DAB2IP: variants seen among roughly 807,000 people sequenced by gnomAD.
DAB2IP encodes DAB2 interacting protein, also known as disabled homolog 2-interacting protein.
In DAB2IP, 28 loss-of-function variants were observed where a neutral mutation model predicts 107.2. The ratio of observed to expected loss-of-function variants is 0.26; its 90% CI spans 0.19 to 0.36. DAB2IP has a LOEUF of 0.36. DAB2IP is among the 10% of genes least tolerant of loss of function. The pLI is 1.00. For missense variants in DAB2IP, 1,400 were observed against 1,644.7 expected, an observed-to-expected ratio of 0.85 and a Z score of 2.57; for synonymous variants, 755 against 706.4, an observed-to-expected ratio of 1.07 and a Z score of -1.09.
At chr9:121,718,973 TCCACTCCAC>T (rs1030673942) in intron 3 of DAB2IP, among the ~76,000 whole-genome samples, 6 of 152,188 alleles carry the variant, frequency 3.9e-5, no homozygotes, top group Non-Finnish European at 8.8e-5. Context: ...CACTTTTGGG[TCCACTCCAC>T]CTGGTAGCAA....
chr9:121,782,282 C>T lies in DAB2IP; in HGVS notation c.3403-49C>T, dbSNP rs777997549. On this transcript the variant is annotated intron_variant, in intron 15 of 15. Coordinates refer to ENST00000408936, the Ensembl canonical transcript of DAB2IP. This position sits in a 1 kb window ranked among gnomAD's most constrained non-coding sequence, Gnocchi z 6.1. ...GATGCTTGTCGTAGGTATACACAGCCCTAAGGAGCCTGTCCCATGACCCCC... is the reference window on the plus strand; with the variant it reads ...GATGCTTGTCGTAGGTATACACAGCTCTAAGGAGCCTGTCCCATGACCCCC... The T allele has an allele frequency of 6.3e-7, 1 of 1,594,456 alleles. No individual in the cohort carries two copies. Among genetic ancestry groups the T allele is most frequent in the Non-Finnish European group, 8.6e-7 (1 of 1,167,204 alleles).
At chr9:121,658,015 T>C (rs1411444142) in intron 1 of DAB2IP, among the ~76,000 whole-genome samples, 1 of 152,048 alleles carries the variant, frequency 6.6e-6, no homozygotes, top group African/African-American at 2.4e-5. Flanking sequence ...TGTTTCGGTG[T>C]TGGTGTAGTT....
intron 1 of DAB2IP, among the ~76,000 whole-genome samples, chr9:121,674,452 G>T (rs1367228853): frequency 2.0e-5 from 3 of 152,180 alleles, no homozygotes; most frequent in Non-Finnish European, 4.4e-5. Context: ...GGAGAGGTCA[G>T]GGAGGAGAGC....
At chr9:121,666,024 C>G (rs1327742993) in intron 1 of DAB2IP, among the ~76,000 whole-genome samples, 1 of 152,206 alleles carries the variant, frequency 6.6e-6, no homozygotes, top group Non-Finnish European at 1.5e-5. Context: ...TTCTGGGGGA[C>G]AGAAGTCTGA....
intron 1 of DAB2IP, among the ~76,000 whole-genome samples, chr9:121,644,185 G>C (rs936517449): frequency 1.4e-5 from 2 of 146,790 alleles, no homozygotes; most frequent in African/African-American, 5.0e-5. Context: ...AGAAGAAGAA[G>C]AGGAGGAGGA....
At chr9:121,691,606 TAA>T (rs1829166199) in intron 2 of DAB2IP, among the ~76,000 whole-genome samples, 1 of 152,028 alleles carries the variant, frequency 6.6e-6, no homozygotes, top group Non-Finnish European at 1.5e-5. Flanking sequence ...GGAAATGGGC[TAA>T]GTTTCTTCCA....
In DAB2IP at chr9:121,772,490, G is replaced by A. The variant is rs1325007075; in HGVS notation, c.2079-117G>A. The A allele has an allele frequency of 8.6e-7, 1 of 1,159,306 alleles. No homozygotes were observed. The highest frequency in any genetic ancestry group is 2.1e-5 in the Admixed American group (1 of 47,346). The allele number at this position is 1,159,306 out of a possible 1,614,324, so 71.8% of individuals were successfully genotyped here. On this transcript the variant is annotated intron_variant, in intron 11 of 15. Transcript: ENST00000408936. The surrounding 1 kb of genome is among the most constrained non-coding windows in gnomAD (Gnocchi z 4.7). ...CCAGCGCATCCATCTCCCCAGCGCT[G>A]GCTCAGGCTGCCAGGCCCCGGCAGG... is the stretch of plus-strand genomic sequence containing the variant.
rs555996 is a variant in DAB2IP, at chr9:121,634,032, C to G, written c.41-44646C>G. Among the ~76,000 whole-genome samples, 121,448 of 152,080 alleles carry G rather than the reference C, an allele frequency of 0.8. 49,046 individuals are homozygous for G. The highest frequency in any genetic ancestry group is 0.95 in the East Asian group (4,874 of 5,152). ...CTCTGCCTTGGGCCCTTGTTCGAGACTCTCTGTGGAAGCCTATGTGTCCCA... is the reference window on the plus strand; with the variant it reads ...CTCTGCCTTGGGCCCTTGTTCGAGAGTCTCTGTGGAAGCCTATGTGTCCCA... On this transcript the variant is annotated intron_variant, in intron 1 of 16. Transcript: ENST00000259371. This position sits in a 1 kb window ranked among gnomAD's most constrained non-coding sequence, Gnocchi z 4.7.
intron 1 of DAB2IP, among the ~76,000 whole-genome samples, chr9:121,595,164 G>T (rs540234565): frequency 5.9e-5 from 9 of 152,152 alleles, no homozygotes; most frequent in African/African-American, 1.9e-4. Flanking sequence ...GGATGACCAG[G>T]TTATTAAAAT....
chr9:121,605,539 C>T (rs1830840117), intron 1 of DAB2IP, among the ~76,000 whole-genome samples: 1 of 152,078 alleles, frequency 6.6e-6, no homozygotes, highest in Non-Finnish European at 1.5e-5. Flanking sequence ...CACTCTGTCA[C>T]TCATGCTGGA....
At chr9:121,681,643 G>T (rs1207258195) in intron 2 of DAB2IP, among the ~76,000 whole-genome samples, 1 of 152,190 alleles carries the variant, frequency 6.6e-6, no homozygotes, top group African/African-American at 2.4e-5. Context: ...TCTTTAGCTG[G>T]TGTCACTCAG....
rs994803723 is a variant in DAB2IP, at chr9:121,635,752, G to A, written c.41-42926G>A. Among the ~76,000 whole-genome samples the A allele has an allele frequency of 9.2e-5, 14 of 152,134 alleles. No homozygotes were observed. Among genetic ancestry groups the A allele is most frequent in the African/African-American group, 2.9e-4 (12 of 41,428 alleles). On this transcript the variant is annotated intron_variant, in intron 1 of 16. Transcript: ENST00000259371. The surrounding 1 kb of genome is among the most constrained non-coding windows in gnomAD (Gnocchi z 4.3). ...GGGTGAAGACAAGACAGTGGGGAGC[G>A]GGTTTTGGCCCAGCCCCACGCAGAG...
intron 2 of DAB2IP, among the ~76,000 whole-genome samples, chr9:121,679,956 T>C (rs1423457004): frequency 6.6e-6 from 1 of 152,160 alleles, no homozygotes; most frequent in Non-Finnish European, 1.5e-5. Flanking sequence ...TGGCTCCTCA[T>C]CCCTTGGGCA....
intron 1 of DAB2IP, among the ~76,000 whole-genome samples, chr9:121,595,888 G>C (rs1830519890): frequency 6.6e-6 from 1 of 152,164 alleles, no homozygotes; most frequent in Admixed American, 6.5e-5. Flanking sequence ...TACAGGAATA[G>C]AACTTGAAGC....
At chr9:121,703,424 G>T (rs1829885305) in intron 3 of DAB2IP, among the ~76,000 whole-genome samples, 1 of 152,152 alleles carries the variant, frequency 6.6e-6, no homozygotes, top group African/African-American at 2.4e-5. Context: ...CTAGTGTGGT[G>T]ATGTCAAGAT....
rs781557828 is a variant in DAB2IP, at chr9:121,633,383, A to AC, written c.41-45288dup. Among the ~76,000 whole-genome samples, 4 of 151,486 alleles carry AC rather than the reference A, an allele frequency of 2.6e-5. No homozygotes were observed. Among genetic ancestry groups the AC allele is most frequent in the Middle Eastern group, 3.4e-3 (1 of 292 alleles). On this transcript the variant is annotated intron_variant, in intron 1 of 16. Coordinates refer to the DAB2IP transcript ENST00000259371. The surrounding 1 kb of genome is among the most constrained non-coding windows in gnomAD (Gnocchi z 5.1). Reference sequence around the variant, plus strand: ...GGTTGTGTCTTTGCCCACTGACCCCACCCCCCCTACCAAACCACCTCTGCT... The same window carrying AC: ...GGTTGTGTCTTTGCCCACTGACCCCACCCCCCCCTACCAAACCACCTCTGCT...
chr9:121,755,112 A>AGG (rs1209392973), intron 3 of DAB2IP, among the ~76,000 whole-genome samples: 1 of 152,024 alleles, frequency 6.6e-6, no homozygotes, highest in African/African-American at 2.4e-5. Flanking sequence ...CAGCCCAGGG[A>AGG]GGGCAGGCCC....
At chr9:121,770,550 T>C in exon 11 of DAB2IP, 1 of 1,613,894 alleles carries the variant, frequency 6.2e-7, no homozygotes, top group Non-Finnish European at 8.5e-7. Flanking sequence ...TTACAGAGCA[T>C]AGTATCCAAA....
chr9:121,727,045 C>G (rs980738076), intron 3 of DAB2IP, among the ~76,000 whole-genome samples: 2 of 151,952 alleles, frequency 1.3e-5, no homozygotes, highest in African/African-American at 2.4e-5. Context: ...GCTGGACTTA[C>G]TGCAGGCTTA....
Sources: gnomAD v4.1 joint callset for allele counts (sites outside exome capture counted in the v4.1 genomes callset) on GRCh38, gnomAD v4.1.1 for gene constraint, Gnocchi (gnomAD v3.1) non-coding constraint, MANE v1.5 for transcripts, NCBI Gene and HGNC (gene_info 2026-07-23, HGNC 2026-07-21) for gene names.